Variants in NCAPG2 observed in about 807,000 individuals in gnomAD.
NCAPG2 encodes condensin-2 complex subunit G2.
Under a neutral mutation model 141.1 loss-of-function variants are expected in NCAPG2, and 53 were observed. The observed-to-expected ratio is 0.38, with a 90% CI of 0.30 to 0.47. The LOEUF is 0.47. Ranked by LOEUF, NCAPG2 falls within the 20% of genes least tolerant of loss-of-function variation. The probability of loss-of-function intolerance (pLI) is 0.99; values close to 1 mark genes in which losing one functional copy is unlikely to be tolerated. For missense variants in NCAPG2, 1,087 were observed against 1,389.0 expected (o/e 0.78, Z 3.46); for synonymous variants, 499 against 490.7 (o/e 1.02, Z -0.22).
At chr7:158,704,439 TG>T (rs533441494) in intron 1 of NCAPG2, among the ~76,000 whole-genome samples, 1 of 149,788 alleles carries the variant, frequency 6.7e-6, no homozygotes, top group Non-Finnish European at 1.5e-5. Flanking sequence ...TGCTCAGGGC[TG>T]GGGGGTCGCT....
chr7:158,693,642 G>A lies in NCAPG2; in HGVS notation c.79-145C>T, dbSNP rs956250914. 5 of 681,546 alleles carry A rather than the reference G, an allele frequency of 7.3e-6. No individual in the cohort carries two copies. The Admixed American group carries it at 1.0e-4, about 14-fold the overall frequency. 42.2% of individuals were successfully genotyped at this position (681,546 alleles called of 1,614,324 possible). A position where few individuals can be genotyped will look rare whatever the true frequency, so the allele number is the denominator to read the frequency against. On this transcript the variant is annotated intron_variant, in intron 2 of 27. Coordinates refer to ENST00000356309, the MANE Select transcript of NCAPG2 (RefSeq NM_017760.7). ...CAGTATTCAAAATCCATTCCTAAAA[G>A]GGAAGAAGCACAGGGATTCTCCACC... is the stretch of plus-strand genomic sequence containing the variant.
In NCAPG2 at chr7:158,675,448, C is replaced by T. The variant is rs758420855; in HGVS notation, c.1326+29G>A. 3.3e-6 allele frequency: 5 copies of T among 1,519,904 alleles called. 1 individual carries two copies. Among genetic ancestry groups the T allele is most frequent in the South Asian group, 2.5e-5 (2 of 80,002 alleles). 94.2% of individuals were successfully genotyped at this position (1,519,904 alleles called of 1,614,324 possible). On this transcript the variant is annotated intron_variant, in intron 12 of 27. Transcript: ENST00000356309. ...TTCTAATTATTCTACAACAAATAAACATTACTTACATAATTTAAAAAATCT... is the reference window on the plus strand; with the variant it reads ...TTCTAATTATTCTACAACAAATAAATATTACTTACATAATTTAAAAAATCT...
chr7:158,691,692 T>A (rs976749069), intron 4 of NCAPG2, among the ~76,000 whole-genome samples: 40 of 152,202 alleles, frequency 2.6e-4, no homozygotes, highest in African/African-American at 8.7e-4. Context: ...TTAGACTAAA[T>A]TAATAACTAG....
chr7:158,653,377 AT>A (rs1395019056), intron 22 of NCAPG2, among the ~76,000 whole-genome samples: 5 of 49,484 alleles, frequency 1.0e-4, no homozygotes, highest in South Asian at 9.2e-4. Context: ...AAAAAAAAAA[AT>A]AAAAAAAAAA....
At position 158,641,560 on chromosome 7, in the gene NCAPG2, A is replaced by G. The variant is rs893484193; in HGVS notation, c.3380+2729T>C. 45 of 187,614 alleles carry G rather than the reference A, an allele frequency of 2.4e-4. No individual in the cohort carries two copies. The East Asian group carries it at 2.7e-3, about 11-fold the overall frequency. The allele number at this position is 187,614 out of a possible 1,614,324, so 11.6% of individuals were successfully genotyped here. A position where few individuals can be genotyped will look rare whatever the true frequency, so the allele number is the denominator to read the frequency against. On this transcript the variant is annotated intron_variant, in intron 27 of 27. Transcript: ENST00000356309. ...AACACAGCAAGTCCTCATATCTTGG[A>G]AAAAAAAAAAAAAAGGAAATGAATA...
intron 2 of NCAPG2, among the ~76,000 whole-genome samples, chr7:158,695,726 C>T (rs1835401495): frequency 6.6e-6 from 1 of 152,174 alleles, no homozygotes; most frequent in Non-Finnish European, 1.5e-5. Context: ...GCAGTGACGG[C>T]CCAGGCCTCT....
At chr7:158,631,850 A>C in intron 27 of NCAPG2, 133 bp from the exon 28 acceptor site, 1 of 711,412 alleles carries the variant, frequency 1.4e-6, no homozygotes, top group African/African-American at 1.8e-5. Context: ...TAATCTATAG[A>C]TGTTTCATTA....
intron 13 of NCAPG2, chr7:158,665,024 G>A: frequency 3.1e-6 from 1 of 327,786 alleles, no homozygotes; most frequent in Non-Finnish European, 5.5e-6. Flanking sequence ...TTAACATACA[G>A]TAAACTCTCC....
chr7:158,679,845 T>C, intron 11 of NCAPG2, 115 bp downstream of exon 11: 2 of 1,347,822 alleles, frequency 1.5e-6, no homozygotes, highest in Non-Finnish European at 2.0e-6. Context: ...AACCATGCCA[T>C]GTGGGAGCAG....
At chr7:158,637,578 C>CCGCGCCACACA (rs1461010958) in intron 27 of NCAPG2, among the ~76,000 whole-genome samples, 1 of 151,930 alleles carries the variant, frequency 6.6e-6, no homozygotes, top group Non-Finnish European at 1.5e-5. Flanking sequence ...AGCTCCGGCT[C>CCGCGCCACACA]CAGCAGCTCC....
In NCAPG2 at chr7:158,644,364, C is replaced by T. The variant is rs775563486; in HGVS notation, c.3305G>A (p.Arg1102Lys). The T allele has an allele frequency of 6.2e-6, 10 of 1,613,842 alleles. No homozygotes were observed. The highest frequency in any genetic ancestry group is 7.6e-6 in the Non-Finnish European group (9 of 1,179,864). The change falls in exon 27 of 28, where the codon AGG becomes AAG. Residue 1102 changes from arginine to lysine, a missense_variant. Transcript: ENST00000356309. ...NAGKHKSSKV[R>K]EVAATVHRKL... is the part of the protein sequence containing the mutation. ...TCTGTGAACAGTGGCTGCAACCTCC[C>T]TCACTTTTGAGCTTTTATGTTTACC...
At chr7:158,652,232 T>C (rs139598561) in intron 23 of NCAPG2, 61 bp downstream of exon 23, 29,392 of 1,485,270 alleles carry the variant, frequency 0.02, 369 homozygotes, top group Non-Finnish European at 0.024. Flanking sequence ...TGCATCTGTG[T>C]AGGTGTAGCC....
intron 2 of NCAPG2, among the ~76,000 whole-genome samples, chr7:158,697,289 TAACA>T (rs1835507426): frequency 1.3e-5 from 2 of 152,304 alleles, no homozygotes; most frequent in South Asian, 4.1e-4. Context: ...TCTTAGTTTT[TAACA>T]AAAAAGTTTA....
At chr7:158,674,286 AAATT>A (rs1201817818) in intron 12 of NCAPG2, among the ~76,000 whole-genome samples, 2 of 78,304 alleles carry the variant, frequency 2.6e-5, no homozygotes, top group Admixed American at 1.8e-4. Context: ...AGAAAAAAAA[AAATT>A]TTTTTTTTTT....
intron 2 of NCAPG2, chr7:158,696,348 G>A (rs13242357): frequency 0.55 from 83,285 of 152,094 alleles, 23,353 homozygotes; most frequent in Non-Finnish European, 0.6. Flanking sequence ...TCAATATTCC[G>A]TCCGTCAAAG....
Position 158,645,515 on chromosome 7 carries a change from C to A in NCAPG2, c.3280+4G>T. The A allele has an allele frequency of 1.2e-6, 2 of 1,613,602 alleles. No homozygotes were observed. Among genetic ancestry groups the A allele is most frequent in the Non-Finnish European group, 1.7e-6 (2 of 1,179,484 alleles). On this transcript the variant is annotated splice_donor_region_variant and intron_variant, in intron 26 of 27. Coordinates refer to ENST00000356309, the MANE Select transcript of NCAPG2 (RefSeq NM_017760.7). Reference sequence around the variant, plus strand: ...TCCAGATGACAGAGGGGAATGTAACCAACCTGCATTAATAACCAGGATAAT... The same window carrying A: ...TCCAGATGACAGAGGGGAATGTAACAAACCTGCATTAATAACCAGGATAAT...
chr7:158,693,259 TGACAAAAAAAAG>T, intron 3 of NCAPG2, 38 bp downstream of exon 3: 1 of 1,554,514 alleles, frequency 6.4e-7, no homozygotes, highest in Admixed American at 2.0e-5. Flanking sequence ...AGTTATTTTT[TGACAAAAAAAAG>T]AGAAAAACGT....
intron 6 of NCAPG2, among the ~76,000 whole-genome samples, chr7:158,689,614 T>C (rs1834998990): frequency 6.6e-6 from 1 of 152,190 alleles, no homozygotes; most frequent in African/African-American, 2.4e-5. Flanking sequence ...CAGCCACCTG[T>C]TACCATCCAA....
chr7:158,642,000 TAA>T (rs1830683118), intron 27 of NCAPG2, among the ~76,000 whole-genome samples: 1 of 152,098 alleles, frequency 6.6e-6, no homozygotes, highest in Admixed American at 6.6e-5. Flanking sequence ...TTCTGAGCCA[TAA>T]GACACACCTT....
Sources: allele counts gnomAD v4.1 joint callset (sites outside exome capture counted in the v4.1 genomes callset), GRCh38; gene constraint gnomAD v4.1.1; transcripts MANE v1.5; gene names NCBI Gene and HGNC (gene_info 2026-07-23, HGNC 2026-07-21).